FREM1: variants seen among roughly 807,000 people sequenced by gnomAD.
FREM1 encodes FRAS1-related extracellular matrix protein 1.
A neutral mutation model predicts 210.1 loss-of-function variants in FREM1; 220 were observed. The ratio of observed to expected loss-of-function variants is 1.05; its 90% confidence interval spans 0.94 to 1.17. The LOEUF (loss-of-function observed/expected upper bound fraction) is 1.17, where lower values mean the gene tolerates loss of function less well. Among genes scored for constraint, FREM1 ranks in the 50% most tolerant of loss-of-function variants. The probability of loss-of-function intolerance (pLI) is 0.00; values close to 1 mark genes in which losing one functional copy is unlikely to be tolerated. For synonymous variants in FREM1, 1,189 were observed against 980.2 expected (o/e 1.21, Z -3.98); for missense variants, 3,454 against 2,675.5 (o/e 1.29, Z -6.42).
At chr9:14,861,202 CACACATAT>C (rs1343766733) in intron 3 of FREM1, among the ~76,000 whole-genome samples, 68 of 97,112 alleles carry the variant, frequency 7.0e-4, no homozygotes, top group African/African-American at 2.9e-3. Context: ...TACATATATA[CACACATAT>C]ACATATATAC....
At chr9:14,904,114 C>CAAAA (rs35708320) in intron 1 of FREM1, among the ~76,000 whole-genome samples, 7 of 71,666 alleles carry the variant, frequency 9.8e-5, no homozygotes, top group East Asian at 4.4e-4. Context: ...GACTCCGTCT[C>CAAAA]AAAAAAAAAA....
intron 23 of FREM1, 97 bp from the exon 24 acceptor site, chr9:14,784,731 C>G (rs1850148191): frequency 1.2e-6 from 1 of 811,860 alleles, no homozygotes; most frequent in Non-Finnish European, 1.8e-6. Context: ...GTGCAAAAAT[C>G]AAAATTAATA....
chr9:14,753,456 G>A (rs1843729766), intron 29 of FREM1, among the ~76,000 whole-genome samples: 1 of 152,168 alleles, frequency 6.6e-6, no homozygotes, highest in Admixed American at 6.5e-5. Context: ...ATCCACTCAA[G>A]ACTAGTCACA....
chr9:14,840,249 C>T (rs984130843), intron 10 of FREM1, among the ~76,000 whole-genome samples: 1 of 152,152 alleles, frequency 6.6e-6, no homozygotes, highest in Non-Finnish European at 1.5e-5. Flanking sequence ...TGGAAATTTG[C>T]TTGGATCCAT....
At chr9:14,828,372 G>A (rs1259198897) in intron 10 of FREM1, among the ~76,000 whole-genome samples, 1 of 152,176 alleles carries the variant, frequency 6.6e-6, no homozygotes, top group East Asian at 1.9e-4. Context: ...TCTTGGAAGA[G>A]GAATGTCTAT....
chr9:14,842,653 T>C lies in FREM1; in HGVS notation c.1401A>G (p.Lys467=). 1 of 1,612,066 alleles carries C rather than the reference T, an allele frequency of 6.2e-7. No individual in the cohort carries two copies. The highest frequency in any genetic ancestry group is 1.1e-5 in the South Asian group (1 of 90,950). Residue 467 remains lysine, a synonymous_variant, in exon 9 of 37, where the codon AAA becomes AAG. Transcript: ENST00000380880. The stretch of plus-strand genomic sequence containing the variant: ...GGTCAGCCACGGTGAAGAGAAACCC[T>C]TTCCCCCCTGAGGGAGAGAGCAGAG... ...QHGWLTLRGG[K]GFLFTVADLQ... is the part of the protein sequence containing the mutation.
intron 1 of FREM1, among the ~76,000 whole-genome samples, chr9:14,898,239 C>A (rs1238855857): frequency 6.6e-6 from 1 of 152,170 alleles, no homozygotes; most frequent in African/African-American, 2.4e-5. Flanking sequence ...ATAATTGACA[C>A]CTTTCAGGGT....
chr9:14,814,010 C>T (rs1391949314), intron 15 of FREM1, among the ~76,000 whole-genome samples: 1 of 152,184 alleles, frequency 6.6e-6, no homozygotes, highest in African/African-American at 2.4e-5. Context: ...CCACTCCACT[C>T]CAGTTTTATC....
intron 10 of FREM1, among the ~76,000 whole-genome samples, chr9:14,835,725 C>G (rs1025318085): frequency 6.6e-6 from 1 of 152,174 alleles, no homozygotes; most frequent in African/African-American, 2.4e-5. Flanking sequence ...CAAAGCCAAT[C>G]CAAAAGGCCT....
intron 15 of FREM1, 105 bp from the exon 16 acceptor site, chr9:14,813,169 A>C: frequency 8.2e-7 from 1 of 1,226,086 alleles, no homozygotes; most frequent in Non-Finnish European, 1.1e-6. Flanking sequence ...TTTTCATCTT[A>C]CAGACACATG....
rs191207178 is a variant in FREM1, at chr9:14,846,755, C to T, written c.1262-664G>A. On this transcript the variant is annotated intron_variant, in intron 7 of 36. Transcript: ENST00000380880. ...TAATCCTGAAAGGGAGCAGAGCAAG[C>T]TGGTCGAATTGCAAGGTAGCGTGCT... Among the ~76,000 whole-genome samples the T allele has an allele frequency of 7.2e-5, 11 of 152,356 alleles. No homozygotes were observed. The East Asian group carries it at 2.1e-3, about 29-fold the overall frequency.
chr9:14,824,176 T>G (rs1821892926), intron 11 of FREM1, 61 bp from the exon 12 acceptor site: 9 of 1,024,310 alleles, frequency 8.8e-6, no homozygotes, highest in Non-Finnish European at 1.2e-5. Flanking sequence ...TGAAATCGAA[T>G]AGCCCACAAT....
chr9:14,857,486 T>G (rs1271484768), intron 5 of FREM1, 67 bp downstream of exon 5: 1 of 1,314,354 alleles, frequency 7.6e-7, no homozygotes, highest in African/African-American at 1.5e-5. Context: ...CGAGCATGAG[T>G]AAGCCTGTGT....
Position 14,770,765 on chromosome 9 carries a change from C to G in FREM1, c.4899G>C (p.Leu1633Phe). The change falls in exon 26 of 37, where the codon TTG becomes TTC. Residue 1633 changes from leucine to phenylalanine, a missense_variant. Transcript: ENST00000380880. ...GGAGCCCCACTTGAGAAGGGGAATG[C>G]AAGAGTGTGATACGAGGAGCTGTTT... is the stretch of plus-strand genomic sequence containing the variant. ...LDKTAPRITL[L>F]HSPSQVGLLK... 1.2e-6 allele frequency: 2 copies of G among 1,613,334 alleles called. No individual in the cohort carries two copies. Among genetic ancestry groups the G allele is most frequent in the South Asian group, 2.2e-5 (2 of 91,002 alleles).
At chr9:14,817,365 C>G (rs1820485685) in intron 14 of FREM1, among the ~76,000 whole-genome samples, 1 of 152,196 alleles carries the variant, frequency 6.6e-6, no homozygotes, top group Non-Finnish European at 1.5e-5. Context: ...TATGTATTGC[C>G]TCTTTCCTGT....
chr9:14,788,322 C>T lies in FREM1; in HGVS notation c.4177+597G>A, dbSNP rs1173472921. 2.6e-5 allele frequency among the ~76,000 whole-genome samples: 4 copies of T among 152,082 alleles called. 1 individual carries two copies. The highest frequency in any genetic ancestry group is 1.3e-4 in the Admixed American group (2 of 15,258). On this transcript the variant is annotated intron_variant, in intron 23 of 36. Coordinates refer to ENST00000380880, the MANE Select transcript of FREM1 (RefSeq NM_001379081.2). ...CTCCTCCATCTTCCATTTAACTCTC[C>T]CCCATTCACCACTTATACAACTGAC...
chr9:14,806,339 T>C (rs1314001976), intron 18 of FREM1, among the ~76,000 whole-genome samples: 1 of 146,974 alleles, frequency 6.8e-6, no homozygotes, highest in Non-Finnish European at 1.5e-5. Context: ...CACTGCAACC[T>C]CTGCCTCCTG....
intron 10 of FREM1, among the ~76,000 whole-genome samples, chr9:14,840,129 T>C (rs1168247145): frequency 2.6e-5 from 4 of 152,220 alleles, no homozygotes; most frequent in Non-Finnish European, 5.9e-5. Flanking sequence ...AGCACACAGA[T>C]GAATAGCTCA....
chr9:14,787,565 C>G (rs1335978238), intron 23 of FREM1, among the ~76,000 whole-genome samples: 1 of 152,106 alleles, frequency 6.6e-6, no homozygotes, highest in Non-Finnish European at 1.5e-5. Context: ...AAGAGAGGTA[C>G]ACAACCTTCA....
Sources: allele counts gnomAD v4.1 joint callset (sites outside exome capture counted in the v4.1 genomes callset), GRCh38; gene constraint gnomAD v4.1.1; transcripts MANE v1.5; gene names NCBI Gene and HGNC (gene_info 2026-07-23, HGNC 2026-07-21).